FAM184B: variants seen among roughly 807,000 people sequenced by gnomAD.
FAM184B encodes family with sequence similarity 184 member B.
Under a neutral mutation model 135.9 loss-of-function variants are expected in FAM184B, and 111 were observed. That is an observed-to-expected ratio of 0.82 (90% confidence interval 0.70 to 0.96). The LOEUF (loss-of-function observed/expected upper bound fraction) is 0.96, where lower values mean the gene tolerates loss of function less well. FAM184B is among the 40% of genes least tolerant of loss of function. FAM184B has a pLI of 0.00. For synonymous variants in FAM184B, 552 were observed against 524.8 expected (o/e 1.05, Z -0.71); for missense variants, 1,375 against 1,323.9 (o/e 1.04, Z -0.60).
intron 7 of FAM184B, among the ~76,000 whole-genome samples, chr4:17,675,674 G>A (rs918883327): frequency 3.3e-5 from 5 of 152,184 alleles, no homozygotes; most frequent in African/African-American, 9.6e-5. Flanking sequence ...TAAGTTAGCC[G>A]TTTTCATCAA....
At chr4:17,717,914 C>A (rs373123574) in intron 1 of FAM184B, among the ~76,000 whole-genome samples, 1 of 152,146 alleles carries the variant, frequency 6.6e-6, no homozygotes, top group East Asian at 1.9e-4. Flanking sequence ...TCGTGGTAAT[C>A]GCAACAAGTA....
Position 17,631,335 on chromosome 4 carries a change from TTA to T in FAM184B, c.*1195_*1196del, listed in dbSNP as rs1714934380. ...AGTAGCTGGGTTTTCTTTGGGCTAA[TTA>T]TTTTTTTGTAGAGATGGAGGTCTCG... On this transcript the variant is annotated 3_prime_UTR_variant, in exon 18 of 18. Transcript: ENST00000265018. 7.4e-6 allele frequency: 1 copy of T among 134,610 alleles called. No individual in the cohort carries two copies. Among genetic ancestry groups the T allele is most frequent in the African/African-American group, 4.0e-5 (1 of 24,784 alleles). The allele number at this position is 134,610 out of a possible 1,614,324, so 8.3% of individuals were successfully genotyped here.
chr4:17,742,161 TATA>T (rs1718060130), intron 1 of FAM184B, among the ~76,000 whole-genome samples: 1 of 27,640 alleles, frequency 3.6e-5, no homozygotes, highest in Admixed American at 4.3e-4. Flanking sequence ...TATATATATA[TATA>T]TATATTTTTT....
intron 1 of FAM184B, among the ~76,000 whole-genome samples, chr4:17,734,845 G>T (rs1324329548): frequency 6.6e-6 from 1 of 151,626 alleles, no homozygotes; most frequent in African/African-American, 2.4e-5. Flanking sequence ...ATACCCAAAG[G>T]ACTATAAATC....
intron 7 of FAM184B, among the ~76,000 whole-genome samples, chr4:17,673,332 C>A (rs1452441559): frequency 6.6e-6 from 1 of 152,116 alleles, no homozygotes; most frequent in Non-Finnish European, 1.5e-5. Context: ...TAAACTAGTA[C>A]AACCATTATG....
At chr4:17,768,402 G>A (rs1368989877) in intron 1 of FAM184B, among the ~76,000 whole-genome samples, 1 of 149,376 alleles carries the variant, frequency 6.7e-6, no homozygotes, top group Non-Finnish European at 1.5e-5. Flanking sequence ...AGCCTCCAGA[G>A]TAGCTGGGAC....
At chr4:17,777,901 C>G (rs1307736626) in intron 1 of FAM184B, among the ~76,000 whole-genome samples, 1 of 152,068 alleles carries the variant, frequency 6.6e-6, no homozygotes. Context: ...AGTCTGAGAT[C>G]AGCCTGGGCA....
intron 1 of FAM184B, among the ~76,000 whole-genome samples, chr4:17,711,663 A>G (rs1286470660): frequency 3.3e-5 from 5 of 152,090 alleles, no homozygotes; most frequent in African/African-American, 1.2e-4. Context: ...ACCCTGTTTC[A>G]AAAACAAAAC....
At chr4:17,712,534 GCTGT>G (rs1560183308) in intron 1 of FAM184B, among the ~76,000 whole-genome samples, 3 of 152,122 alleles carry the variant, frequency 2.0e-5, no homozygotes, top group Admixed American at 6.5e-5. Context: ...TATCCATGAG[GCTGT>G]CTATTGAACT....
Position 17,709,363 on chromosome 4 carries a change from G to C in FAM184B, c.423C>G (p.Ala141=), listed in dbSNP as rs1717195712. The part of the protein sequence containing the change: ...ERELRVEAEH[A]ERVLTLSREM... ...CCCTGGAGAGCGTGAGGACTCGCTC[G>C]GCGTGCTCTGCCTCCACCCTCAGCT... The change falls in exon 2 of 18, where the codon GCC becomes GCG. Residue 141 remains alanine, a synonymous_variant. Coordinates refer to ENST00000265018, the MANE Select transcript of FAM184B (RefSeq NM_015688.2). 2 of 1,544,840 alleles carry C rather than the reference G, an allele frequency of 1.3e-6. No individual in the cohort carries two copies. The highest frequency in any genetic ancestry group is 2.5e-5 in the East Asian group (1 of 40,772).
At chr4:17,697,543 G>T (rs560592650) in intron 5 of FAM184B, among the ~76,000 whole-genome samples, 58 of 152,282 alleles carry the variant, frequency 3.8e-4, no homozygotes, top group African/African-American at 1.3e-3. Flanking sequence ...TTTCAAACAA[G>T]TTCAGGTAAC....
At chr4:17,670,866 G>T (rs138610336) in intron 7 of FAM184B, among the ~76,000 whole-genome samples, 2,471 of 152,246 alleles carry the variant, frequency 0.016, 77 homozygotes, top group African/African-American at 0.057. Context: ...ACTCAGCTGT[G>T]CTGTGTTAAC....
chr4:17,738,110 C>A (rs1229981876), intron 1 of FAM184B, among the ~76,000 whole-genome samples: 3 of 152,118 alleles, frequency 2.0e-5, no homozygotes, highest in Non-Finnish European at 4.4e-5. Context: ...GATAGAACTC[C>A]ATCCCTCTGA....
intron 1 of FAM184B, among the ~76,000 whole-genome samples, chr4:17,767,713 C>G (rs1209769022): frequency 7.1e-6 from 1 of 140,252 alleles, no homozygotes; most frequent in South Asian, 2.7e-4. Context: ...CCGCCCCCCA[C>G]CCCCCGCCAG....
At chr4:17,705,670 G>A in intron 4 of FAM184B, 82 bp downstream of exon 4, 1 of 1,482,438 alleles carries the variant, frequency 6.7e-7, no homozygotes. Context: ...CTATGCTTGG[G>A]GACTGGCCTC....
At chr4:17,726,936 T>C (rs1717656064) in intron 1 of FAM184B, among the ~76,000 whole-genome samples, 1 of 152,336 alleles carries the variant, frequency 6.6e-6, no homozygotes, top group Non-Finnish European at 1.5e-5. Flanking sequence ...ATATTCTGAT[T>C]GGCTAATTTC....
At chr4:17,751,192 C>A (rs1044657519) in intron 1 of FAM184B, among the ~76,000 whole-genome samples, 9 of 151,428 alleles carry the variant, frequency 5.9e-5, no homozygotes, top group Non-Finnish European at 1.3e-4. Context: ...CCTGTAATCC[C>A]AGCTACTCAG....
intron 1 of FAM184B, among the ~76,000 whole-genome samples, chr4:17,770,069 G>A (rs1474170434): frequency 4.6e-5 from 7 of 152,130 alleles, no homozygotes; most frequent in Admixed American, 2.0e-4. Context: ...AGAGAAGGGT[G>A]GTGTGGCAGA....
chr4:17,655,962 C>T (rs886166322), intron 10 of FAM184B, among the ~76,000 whole-genome samples: 1 of 152,158 alleles, frequency 6.6e-6, no homozygotes, highest in African/African-American at 2.4e-5. Context: ...ATGACCTATC[C>T]GAGCTCCCAC....
Sources: allele counts gnomAD v4.1 joint callset (sites outside exome capture counted in the v4.1 genomes callset), GRCh38; gene constraint gnomAD v4.1.1; transcripts MANE v1.5; gene names NCBI Gene and HGNC (gene_info 2026-07-23, HGNC 2026-07-21).